The following PSMD8 variants were observed in gnomAD, a reference collection of about 807,000 sequenced individuals.
PSMD8 encodes 26S proteasome non-ATPase regulatory subunit 8.
A neutral mutation model predicts 40.0 loss-of-function variants in PSMD8; 30 were observed. The ratio of observed to expected loss-of-function variants is 0.75; its 90% CI spans 0.56 to 1.02. PSMD8 has a LOEUF of 1.02. Ranked by LOEUF, PSMD8 falls within the 50% of genes least tolerant of loss-of-function variation. The pLI is 0.00. For missense variants in PSMD8, 461 were observed against 463.9 expected (o/e 0.99, Z 0.06); for synonymous variants, 208 against 192.5 (o/e 1.08, Z -0.67).
intron 3 of PSMD8, among the ~76,000 whole-genome samples, chr19:38,378,843 C>T (rs542282821): frequency 6.6e-6 from 1 of 152,180 alleles, no homozygotes; most frequent in East Asian, 1.9e-4. Context: ...GTCCCAGCTA[C>T]TTGGGAGGCT....
At chr19:38,381,540 C>T (rs1455090832) in intron 5 of PSMD8, among the ~76,000 whole-genome samples, 1 of 152,204 alleles carries the variant, frequency 6.6e-6, no homozygotes, top group Non-Finnish European at 1.5e-5. Context: ...AATGAGTTTC[C>T]ATGCCTTAGG....
In PSMD8 at chr19:38,379,411, A is replaced by T. The variant is rs1290776618; in HGVS notation, c.702+6A>T. On this transcript the variant is annotated splice_donor_region_variant and intron_variant, in intron 4 of 6. Coordinates refer to ENST00000215071, the MANE Select transcript of PSMD8 (RefSeq NM_002812.5). ...ACCCAGTGTCCCTGGAGCAAGTGAG[A>T]TGGCAAGGGGCAGGGGAGGACCTGG... is the stretch of plus-strand genomic sequence containing the variant. 1 of 1,613,736 alleles carries T rather than the reference A, an allele frequency of 6.2e-7. No individual in the cohort carries two copies. Among genetic ancestry groups the T allele is most frequent in the Non-Finnish European group, 8.5e-7 (1 of 1,179,840 alleles).
intron 6 of PSMD8, chr19:38,382,575 A>G: frequency 2.0e-6 from 1 of 510,964 alleles, no homozygotes; most frequent in Non-Finnish European, 3.4e-6. Flanking sequence ...TTGCAGGAGG[A>G]GGGCTGGGAC....
rs1051612792 is a variant in PSMD8, at chr19:38,383,387, C to T, written c.1050C>T (p.Val350=). Residue 350 remains valine, a synonymous_variant, in exon 7 of 7, where the codon GTC becomes GTT. Coordinates refer to ENST00000215071, the MANE Select transcript of PSMD8 (RefSeq NM_002812.5). The part of the protein sequence containing the change: ...IEYARQLEMI[V] Reference sequence around the variant, plus strand: ...ATGCCCGGCAGCTGGAGATGATCGTCTGAGCCCCCCGGGCACTGGGTGGGG... The same window carrying T: ...ATGCCCGGCAGCTGGAGATGATCGTTTGAGCCCCCCGGGCACTGGGTGGGG... 3 of 1,613,874 alleles carry T rather than the reference C, an allele frequency of 1.9e-6. No homozygotes were observed.
At chr19:38,380,799 G>T in intron 4 of PSMD8, 100 bp from the exon 5 acceptor site, 1 of 927,198 alleles carries the variant, frequency 1.1e-6, no homozygotes, top group Non-Finnish European at 1.6e-6. Context: ...TGTGGCAAAG[G>T]GATTACAGGG....
In PSMD8 at chr19:38,374,969, C is replaced by A; in HGVS notation, c.360+8C>A. 1 of 1,550,974 alleles carries A rather than the reference C, an allele frequency of 6.4e-7. No individual in the cohort carries two copies. Among genetic ancestry groups the A allele is most frequent in the South Asian group, 1.2e-5 (1 of 85,024 alleles). On this transcript the variant is annotated splice_region_variant and intron_variant, in intron 1 of 6. Coordinates refer to ENST00000215071, the MANE Select transcript of PSMD8 (RefSeq NM_002812.5). The stretch of plus-strand genomic sequence containing the variant: ...GAGCTGGGTCGACTCAAGGTAAAGT[C>A]GGCAGGCCCAGGAAACCGAGTGTTG...
intron 6 of PSMD8, 125 bp from the exon 7 acceptor site, chr19:38,383,128 C>A (rs1017854151): frequency 1.6e-6 from 2 of 1,249,496 alleles, no homozygotes; most frequent in Non-Finnish European, 2.2e-6. Flanking sequence ...TGTCAAGGGT[C>A]GTTGGGCAGA....
intron 6 of PSMD8, chr19:38,382,602 A>C (rs1189200266): frequency 2.7e-5 from 12 of 440,666 alleles, no homozygotes; most frequent in Non-Finnish European, 4.4e-5. Context: ...ATGGAAGGTG[A>C]AATTGGGCTG....
chr19:38,380,707 A>AGT (rs35021765), intron 4 of PSMD8, among the ~76,000 whole-genome samples, 192 bp from the exon 5 acceptor site: 41,985 of 120,280 alleles, frequency 0.35, 8,452 homozygotes, highest in Middle Eastern at 0.51. Flanking sequence ...AGAGAGAGAG[A>AGT]GTGTGTGTGT....
At chr19:38,376,121 C>T in intron 1 of PSMD8, 39 bp from the exon 2 acceptor site, 1 of 1,527,536 alleles carries the variant, frequency 6.5e-7, no homozygotes, top group Non-Finnish European at 9.0e-7. Flanking sequence ...TATTTGAATT[C>T]CCTTCTTTTC....
chr19:38,374,653 G>T lies in PSMD8; in HGVS notation c.52G>T (p.Ala18Ser), dbSNP rs866084374. The change falls in exon 1 of 7, where the codon GCT (alanine) becomes TCT (serine). Residue 18 changes from alanine (A) to serine (S), a missense_variant. Around this residue, in one of 2 missense-constraint regions of PSMD8, gnomAD observed 225 missense variants for 142.7 expected, o/e 1.58. Coordinates refer to ENST00000215071, the MANE Select transcript of PSMD8 (RefSeq NM_002812.5). ...PRAPPRERRRATRGGLRQVVA... is the reference protein window; with the variant it reads ...PRAPPRERRRSTRGGLRQVVA... ...GGCGCCACCTCGAGAGCGACGGCGG[G>T]CTACCCGGGGCGGGCTGAGGCAGGT... 3 of 1,517,274 alleles carry T rather than the reference G, an allele frequency of 2.0e-6. No homozygotes were observed. The highest frequency in any genetic ancestry group is 2.6e-6 in the Non-Finnish European group (3 of 1,139,684). 94.0% of individuals were successfully genotyped at this position (1,517,274 alleles called of 1,614,324 possible).
intron 6 of PSMD8, chr19:38,382,992 C>G (rs948756668): frequency 1.3e-5 from 6 of 475,168 alleles, no homozygotes; most frequent in Non-Finnish European, 1.5e-5. Context: ...TCACTCAGGC[C>G]AAACACTATC....
intron 1 of PSMD8, 38 bp downstream of exon 1, chr19:38,374,999 C>T: frequency 2.0e-6 from 3 of 1,536,242 alleles, no homozygotes; most frequent in African/African-American, 1.4e-5. Flanking sequence ...GTGTTGCGGG[C>T]GTGGGAGGCG....
At chr19:38,380,821 G>C in intron 4 of PSMD8, 78 bp from the exon 5 acceptor site, 1 of 1,130,608 alleles carries the variant, frequency 8.8e-7, no homozygotes, top group Non-Finnish European at 1.3e-6. Flanking sequence ...CACTAGGAGT[G>C]TGATGAGGCC....
chr19:38,381,188 C>T, intron 5 of PSMD8, 189 bp downstream of exon 5: 1 of 545,308 alleles, frequency 1.8e-6, no homozygotes, highest in Non-Finnish European at 3.2e-6. Context: ...TAACGGCTCT[C>T]ATCTCACCAC....
intron 4 of PSMD8, among the ~76,000 whole-genome samples, 174 bp from the exon 5 acceptor site, chr19:38,380,725 T>TGTGTGCGCGCGCGTGCGCGC (rs1555743514): frequency 1.0e-4 from 15 of 150,432 alleles, no homozygotes; most frequent in Non-Finnish European, 1.5e-4. Flanking sequence ...TGTGTGTGTG[T>TGTGTGCGCGCGCGTGCGCGC]GTGTGCGCAT....
chr19:38,374,692 C>T lies in PSMD8; in HGVS notation c.91C>T (p.Arg31Trp). 6.5e-7 allele frequency: 1 copy of T among 1,543,168 alleles called. No individual in the cohort carries two copies. Residue 31 changes from arginine to tryptophan, a missense_variant, in exon 1 of 7, where the codon CGG becomes TGG. Physicochemically the swap from Arg to Trp is moderately radical, Grantham distance 101 (BLOSUM62 -3). Around this residue, in one of 2 missense-constraint regions of PSMD8, gnomAD observed 225 missense variants for 142.7 expected, o/e 1.58. Coordinates refer to ENST00000215071, the MANE Select transcript of PSMD8 (RefSeq NM_002812.5). ...GGLRQVVAPPRALGSTSRPHF... is the reference protein window; with the variant it reads ...GGLRQVVAPPWALGSTSRPHF... ...GCTGAGGCAGGTTGTAGCCCCGCCC[C>T]GGGCCTTGGGCTCCACCTCTCGGCC...
Position 38,383,510 on chromosome 19 carries a change from A to G in PSMD8, c.*120A>G, listed in dbSNP as rs1013870262. 3.7e-6 allele frequency: 5 copies of G among 1,359,516 alleles called. No individual in the cohort carries two copies. In the Admixed American group the frequency reaches 1.1e-4, roughly 29 times the overall value. 84.2% of individuals were successfully genotyped at this position (1,359,516 alleles called of 1,614,324 possible). ...CCAGGCCCTTGTCTCCCCAGTTGGGACGGCAGAGAGACAAGTTCTTATATC... is the reference window on the plus strand; with the variant it reads ...CCAGGCCCTTGTCTCCCCAGTTGGGGCGGCAGAGAGACAAGTTCTTATATC... On this transcript the variant is annotated 3_prime_UTR_variant, in exon 7 of 7. Coordinates refer to ENST00000215071, the MANE Select transcript of PSMD8 (RefSeq NM_002812.5).
chr19:38,376,558 T>G, intron 3 of PSMD8, 104 bp downstream of exon 3: 1 of 1,050,694 alleles, frequency 9.5e-7, no homozygotes, highest in Non-Finnish European at 1.4e-6. Flanking sequence ...TGGGAACTCC[T>G]CCTGGCTTAG....
Sources: gnomAD v4.1 joint callset for allele counts (sites outside exome capture counted in the v4.1 genomes callset) on GRCh38, gnomAD v4.1.1 for gene constraint, gnomAD v4.1.1 regional missense constraint, MANE v1.5 for transcripts, NCBI Gene and HGNC (gene_info 2026-07-23, HGNC 2026-07-21) for gene names.